ZSWIM6: variants seen among roughly 807,000 people sequenced by gnomAD.
The protein encoded by ZSWIM6 is zinc finger SWIM-type containing 6.
In ZSWIM6, 9 loss-of-function variants were observed where a neutral mutation model predicts 113.2. That is an observed-to-expected ratio of 0.08 (90% CI 0.05 to 0.14). The LOEUF (loss-of-function observed/expected upper bound fraction) is 0.14, where lower values mean the gene tolerates loss of function less well. Ranked by LOEUF, ZSWIM6 falls within the 10% of genes least tolerant of loss-of-function variation. The probability of loss-of-function intolerance (pLI) is 1.00; values close to 1 mark genes in which losing one functional copy is unlikely to be tolerated. For synonymous variants in ZSWIM6, 611 were observed against 606.5 expected (o/e 1.01, Z -0.11); for missense variants, 1,162 against 1,552.2 (o/e 0.75, Z 4.22).
At chr5:61,417,657 G>A (rs10514907) in intron 1 of ZSWIM6, among the ~76,000 whole-genome samples, 24,236 of 152,098 alleles carry the variant, frequency 0.16, 2,169 homozygotes, top group African/African-American at 0.22. Context: ...GTAGCTAATC[G>A]GATCCTTACC....
chr5:61,460,375 G>C (rs561784058), intron 1 of ZSWIM6, among the ~76,000 whole-genome samples: 1 of 152,034 alleles, frequency 6.6e-6, no homozygotes, highest in Admixed American at 6.6e-5. Flanking sequence ...AGCTCATTAG[G>C]TGTCCTGTTA....
intron 1 of ZSWIM6, among the ~76,000 whole-genome samples, chr5:61,370,797 C>T (rs1316639865): frequency 6.6e-6 from 1 of 152,118 alleles, no homozygotes; most frequent in Non-Finnish European, 1.5e-5. Flanking sequence ...TGGATATTAG[C>T]ATAGTTTTAC....
At chr5:61,370,947 A>T (rs754870502) in intron 1 of ZSWIM6, among the ~76,000 whole-genome samples, 2 of 152,162 alleles carry the variant, frequency 1.3e-5, no homozygotes, top group Admixed American at 6.5e-5. Context: ...TGCGTCTCCT[A>T]GTTTGTGAAC....
chr5:61,358,208 G>A (rs1456697712), intron 1 of ZSWIM6, among the ~76,000 whole-genome samples: 2 of 152,114 alleles, frequency 1.3e-5, no homozygotes, highest in Admixed American at 6.6e-5. Context: ...TGATAGCCCT[G>A]TAACAAGGAA....
intron 12 of ZSWIM6, among the ~76,000 whole-genome samples, chr5:61,541,425 T>G (rs1186297261): frequency 1.3e-5 from 2 of 152,172 alleles, no homozygotes; most frequent in Non-Finnish European, 2.9e-5. Context: ...AATCAGAGAT[T>G]GAAGGAATAA....
chr5:61,531,216 T>A (rs924724061), intron 8 of ZSWIM6, among the ~76,000 whole-genome samples: 1 of 152,176 alleles, frequency 6.6e-6, no homozygotes, highest in African/African-American at 2.4e-5. Flanking sequence ...TTTTCTTTGG[T>A]GATTTATTTT....
intron 1 of ZSWIM6, among the ~76,000 whole-genome samples, chr5:61,427,966 G>T (rs1746496889): frequency 6.6e-6 from 1 of 151,454 alleles, no homozygotes; most frequent in African/African-American, 2.4e-5. Flanking sequence ...TTTATTGTAG[G>T]TACCACCTCT....
chr5:61,333,008 G>GCCC, intron 1 of ZSWIM6, 60 bp downstream of exon 1: 1 of 498,934 alleles, frequency 2.0e-6, no homozygotes, highest in Non-Finnish European at 2.8e-6. Context: ...GTGGGGGGGG[G>GCCC]GTGCCCGCCT....
chr5:61,477,893 G>A (rs570992059), intron 2 of ZSWIM6, among the ~76,000 whole-genome samples: 19 of 152,168 alleles, frequency 1.2e-4, no homozygotes, highest in Non-Finnish European at 2.5e-4. Context: ...TTCTTAGTAG[G>A]AAGTTGGGTA....
At chr5:61,478,469 A>T (rs932617397) in intron 2 of ZSWIM6, among the ~76,000 whole-genome samples, 1 of 152,200 alleles carries the variant, frequency 6.6e-6, no homozygotes, top group African/African-American at 2.4e-5. Context: ...ATATATATGA[A>T]GTTTTAAAAT....
At chr5:61,382,042 G>A (rs1196539005) in intron 1 of ZSWIM6, among the ~76,000 whole-genome samples, 3 of 152,150 alleles carry the variant, frequency 2.0e-5, no homozygotes, top group Non-Finnish European at 2.9e-5. Flanking sequence ...AGGAAAATGA[G>A]AACTGGAATG....
chr5:61,347,491 C>G (rs998030165), intron 1 of ZSWIM6: 4 of 159,148 alleles, frequency 2.5e-5, no homozygotes, highest in African/African-American at 9.6e-5. Flanking sequence ...AAGCAAGTCA[C>G]CATTGTTGTG....
At chr5:61,519,940 T>C (rs2034239) in intron 4 of ZSWIM6, among the ~76,000 whole-genome samples, 58,167 of 151,900 alleles carry the variant, frequency 0.38, 11,292 homozygotes, top group South Asian at 0.45. Context: ...CAATAGTATT[T>C]GTGTTCCTAT....
intron 3 of ZSWIM6, among the ~76,000 whole-genome samples, chr5:61,491,557 A>G (rs1048708522): frequency 3.9e-5 from 6 of 152,094 alleles, no homozygotes; most frequent in Non-Finnish European, 7.4e-5. Context: ...TTGATGGCTC[A>G]ATAATTTAAT....
chr5:61,472,860 C>T lies in ZSWIM6; in HGVS notation c.856C>T (p.Pro286Ser). ...ACTGTCTTTATACCGCATCCGCAAG[C>T]CAGATCAGGTCAAACTGCATCTTCC... The part of the protein sequence containing the change: ...VALSLYRIRK[P>S]DQVKLHLPIS... Residue 286 changes from proline (P) to serine (S), a missense_variant, in exon 2 of 14, where the codon CCA (proline) becomes TCA (serine). This residue lies in a region of ZSWIM6 where 96 missense variants were observed against 240.3 expected (regional missense o/e 0.40). Transcript: ENST00000252744. The surrounding 1 kb of genome is among the most constrained non-coding windows in gnomAD (Gnocchi z 4.1). The T allele has an allele frequency of 6.4e-7, 1 of 1,551,672 alleles. No homozygotes were observed. The highest frequency in any genetic ancestry group is 8.7e-7 in the Non-Finnish European group (1 of 1,146,966).
At chr5:61,539,838 G>T in intron 12 of ZSWIM6, 79 bp downstream of exon 12, 1 of 1,359,668 alleles carries the variant, frequency 7.4e-7, no homozygotes, top group Non-Finnish European at 9.9e-7. Context: ...TTGTTTGATT[G>T]GATTTTTGAG....
intron 1 of ZSWIM6, among the ~76,000 whole-genome samples, chr5:61,390,370 A>G (rs1745681419): frequency 6.6e-6 from 1 of 152,210 alleles, no homozygotes; most frequent in South Asian, 2.1e-4. Flanking sequence ...TCAAATCATA[A>G]TTTTTTAAGA....
intron 7 of ZSWIM6, among the ~76,000 whole-genome samples, chr5:61,528,989 T>C (rs1470453975): frequency 6.6e-6 from 1 of 152,256 alleles, no homozygotes; most frequent in African/African-American, 2.4e-5. Context: ...TACATGGCAA[T>C]ATTTTTCTTG....
intron 1 of ZSWIM6, among the ~76,000 whole-genome samples, chr5:61,457,743 G>A (rs917997536): frequency 6.6e-5 from 10 of 152,124 alleles, no homozygotes; most frequent in East Asian, 1.9e-4. Flanking sequence ...AGCTGGTCTC[G>A]AACTTCTGAC....
Sources: gnomAD v4.1 joint callset for allele counts (sites outside exome capture counted in the v4.1 genomes callset) on GRCh38, gnomAD v4.1.1 for gene constraint, gnomAD v4.1.1 regional missense constraint, Gnocchi (gnomAD v3.1) non-coding constraint, MANE v1.5 for transcripts, NCBI Gene and HGNC (gene_info 2026-07-23, HGNC 2026-07-21) for gene names.